TLN2: variants seen among roughly 807,000 people sequenced by gnomAD.
The protein encoded by TLN2 is talin 2, also known as talin-2.
TLN2 carries 118 observed loss-of-function variants against 294.7 expected under a neutral mutation model. The ratio of observed to expected loss-of-function variants is 0.40; its 90% CI spans 0.34 to 0.47. TLN2 has a LOEUF of 0.47. TLN2 is among the 20% of genes least tolerant of loss of function. TLN2 has a pLI of 0.84. For synonymous variants in TLN2, 1,431 were observed against 1,304.5 expected, an observed-to-expected ratio of 1.10 and a Z score of -2.09; for missense variants, 3,083 against 3,282.2, an observed-to-expected ratio of 0.94 and a Z score of 1.48.
chr15:62,673,695 T>C (rs1388295316), intron 9 of TLN2, 132 bp from the exon 10 acceptor site: 11 of 619,886 alleles, frequency 1.8e-5, no homozygotes, highest in Non-Finnish European at 2.8e-5. Context: ...GATATAGCAG[T>C]CTGTTATTAA....
At chr15:62,460,505 C>T (rs1239992860) in intron 1 of TLN2, among the ~76,000 whole-genome samples, 1 of 152,048 alleles carries the variant, frequency 6.6e-6, no homozygotes, top group Non-Finnish European at 1.5e-5. Context: ...TCAGGTGATC[C>T]ACCCGCCTCG....
At chr15:62,625,685 C>T (rs890061755) in intron 3 of TLN2, among the ~76,000 whole-genome samples, 7 of 152,076 alleles carry the variant, frequency 4.6e-5, no homozygotes, top group South Asian at 2.1e-4. Flanking sequence ...GGGTTGATGC[C>T]GATGGGCAGA....
In TLN2 at chr15:62,681,306, T is replaced by A. The variant is rs182586684; in HGVS notation, c.958-5335T>A. On this transcript the variant is annotated intron_variant, in intron 11 of 58. Transcript: ENST00000636159. ...ATTTAGGAAGTAAATTAAAAGTTAG[T>A]AATTCCACCTTCCCATTCACTACTT... 1.3e-3 allele frequency among the ~76,000 whole-genome samples: 201 copies of A among 152,344 alleles called. 1 individual carries two copies. Among genetic ancestry groups the A allele is most frequent in the Non-Finnish European group, 1.8e-4 (12 of 68,042 alleles).
chr15:62,626,322 C>G (rs560116582), intron 3 of TLN2, among the ~76,000 whole-genome samples: 1 of 151,758 alleles, frequency 6.6e-6, no homozygotes, highest in East Asian at 1.9e-4. Context: ...AAAATAAAAA[C>G]CAAAAGTAGG....
chr15:62,820,990 G>T (rs796835233), intron 54 of TLN2, among the ~76,000 whole-genome samples: 6 of 152,344 alleles, frequency 3.9e-5, no homozygotes, highest in African/African-American at 1.4e-4. Context: ...AAATAGCACT[G>T]CTGGGAATCA....
intron 32 of TLN2, among the ~76,000 whole-genome samples, chr15:62,745,361 G>A (rs1371702925): frequency 6.6e-6 from 1 of 152,024 alleles, no homozygotes; most frequent in Non-Finnish European, 1.5e-5. Flanking sequence ...CTGTACTTCA[G>A]ACCTATTTGG....
intron 1 of TLN2, among the ~76,000 whole-genome samples, chr15:62,400,812 GTTTT>G (rs11369905): frequency 4.2e-5 from 5 of 119,468 alleles, no homozygotes; most frequent in Non-Finnish European, 8.6e-5. Context: ...TATGTTTCCG[GTTTT>G]TTTTTTTTTT....
chr15:62,577,221 A>G (rs895164478), intron 1 of TLN2, among the ~76,000 whole-genome samples: 2 of 152,164 alleles, frequency 1.3e-5, no homozygotes, highest in South Asian at 4.1e-4. Flanking sequence ...AGGCGGGCGG[A>G]TCACCTGAGG....
rs917852787 is a variant in TLN2, at chr15:62,841,934, A to C, written c.*1324A>C. ...GTTAATGGAAGTACATGATTTTCAA[A>C]ACTGGTAACAGTTAAAGGCACTCAC... On this transcript the variant is annotated 3_prime_UTR_variant, in exon 59 of 59. Transcript: ENST00000636159. 6.6e-6 allele frequency: 1 copy of C among 151,562 alleles called. No individual in the cohort carries two copies. The highest frequency in any genetic ancestry group is 1.5e-5 in the Non-Finnish European group (1 of 68,012). The allele number at this position is 151,562 out of a possible 1,614,324, so 9.4% of individuals were successfully genotyped here.
At chr15:62,774,224 C>T (rs2063542935) in intron 42 of TLN2, among the ~76,000 whole-genome samples, 1 of 152,112 alleles carries the variant, frequency 6.6e-6, no homozygotes, top group Non-Finnish European at 1.5e-5. Context: ...CTATCCTGGG[C>T]TTTGTATTTG....
At chr15:62,786,302 C>G (rs2133087) in intron 45 of TLN2, among the ~76,000 whole-genome samples, 89,915 of 152,028 alleles carry the variant, frequency 0.59, 27,555 homozygotes, top group Non-Finnish European at 0.67. Context: ...TCCCGCAGTC[C>G]GCTATGCAAG....
intron 1 of TLN2, among the ~76,000 whole-genome samples, chr15:62,478,615 A>T (rs972683123): frequency 3.3e-5 from 5 of 152,050 alleles, no homozygotes; most frequent in Non-Finnish European, 7.4e-5. Context: ...TAGTCTGGAG[A>T]GCCAGTGCCA....
chr15:62,773,036 C>T (rs2063450635), intron 42 of TLN2, among the ~76,000 whole-genome samples: 1 of 152,098 alleles, frequency 6.6e-6, no homozygotes, highest in Non-Finnish European at 1.5e-5. Flanking sequence ...ATTTTATTTT[C>T]TCTCAAGGAA....
At chr15:62,682,549 C>G (rs541383480) in intron 11 of TLN2, among the ~76,000 whole-genome samples, 2 of 152,250 alleles carry the variant, frequency 1.3e-5, no homozygotes, top group South Asian at 4.2e-4. Context: ...GATAAGTTAC[C>G]TTACCTTTCA....
chr15:62,527,063 T>C (rs1404526054), intron 1 of TLN2, among the ~76,000 whole-genome samples: 1 of 152,194 alleles, frequency 6.6e-6, no homozygotes, highest in Non-Finnish European at 1.5e-5. Context: ...TTCCTTTTGA[T>C]GCTTGGGAAG....
chr15:62,514,709 G>C (rs972425540), intron 1 of TLN2, among the ~76,000 whole-genome samples: 2 of 152,134 alleles, frequency 1.3e-5, no homozygotes, highest in African/African-American at 2.4e-5. Flanking sequence ...TAAAGACTTC[G>C]AGAGTGGTAA....
chr15:62,550,333 G>C (rs1393616593), intron 1 of TLN2, among the ~76,000 whole-genome samples: 7 of 152,142 alleles, frequency 4.6e-5, no homozygotes, highest in Non-Finnish European at 8.8e-5. Context: ...TAATGACTTG[G>C]CTCTAAACTC....
intron 11 of TLN2, among the ~76,000 whole-genome samples, chr15:62,681,359 TAAGTA>T (rs2056812866): frequency 6.6e-6 from 1 of 152,216 alleles, no homozygotes; most frequent in Non-Finnish European, 1.5e-5. Context: ...AAACTCTAAA[TAAGTA>T]AATGAAATTA....
rs556838865 is a variant in TLN2 at position 62,615,924 on chromosome 15, G to T, written c.-161-2427G>T. ...AAGATGATAGAGAATATCTTGTTTG[G>T]ATTTGTATTTGGAGGATAACATTTT... On this transcript the variant is annotated intron_variant, in intron 2 of 58. Coordinates refer to ENST00000636159, the MANE Select transcript of TLN2 (RefSeq NM_015059.3). 1.1e-4 allele frequency among the ~76,000 whole-genome samples: 16 copies of T among 152,186 alleles called. No individual in the cohort carries two copies. The South Asian group carries it at 3.3e-3, about 32-fold the overall frequency.
Sources: allele counts gnomAD v4.1 joint callset (sites outside exome capture counted in the v4.1 genomes callset), GRCh38; gene constraint gnomAD v4.1.1; transcripts MANE v1.5; gene names NCBI Gene and HGNC (gene_info 2026-07-23, HGNC 2026-07-21).